PSMD14: variants seen among roughly 807,000 people sequenced by gnomAD.
PSMD14 encodes the protein ubiquitin C-terminal hydrolase PSMD14.
Under a neutral mutation model 41.2 loss-of-function variants are expected in PSMD14, and 7 were observed. The ratio of observed to expected loss-of-function variants is 0.17; its 90% CI spans 0.10 to 0.32. PSMD14 has a LOEUF of 0.32. PSMD14 is among the 10% of genes least tolerant of loss of function. The pLI is 1.00. For missense variants in PSMD14, 139 were observed against 375.6 expected (o/e 0.37, Z 5.21); for synonymous variants, 114 against 122.3 (o/e 0.93, Z 0.45).
intron 7 of PSMD14, chr2:161,382,021 T>C (rs1683576571): frequency 6.6e-6 from 1 of 151,808 alleles, no homozygotes; most frequent in African/African-American, 2.4e-5. Context: ...TATATAAATA[T>C]GTGTCTTCTA....
chr2:161,393,971 A>ATTTTTTTTT (rs11452254), intron 9 of PSMD14, among the ~76,000 whole-genome samples: 2 of 100,892 alleles, frequency 2.0e-5, no homozygotes, highest in African/African-American at 3.9e-5. Context: ...ACACTAGATA[A>ATTTTTTTTT]TTTTTTTTTT....
intron 8 of PSMD14, 110 bp downstream of exon 8, chr2:161,385,681 A>T: frequency 3.4e-6 from 2 of 580,362 alleles, no homozygotes; most frequent in South Asian, 3.3e-5. Context: ...TTGCAAATTA[A>T]TTTTTCTTTT....
chr2:161,361,221 C>T (rs1036497434), intron 3 of PSMD14, among the ~76,000 whole-genome samples: 1 of 151,908 alleles, frequency 6.6e-6, no homozygotes, highest in Non-Finnish European at 1.5e-5. Context: ...TTAAATGCTT[C>T]CAGTACTAAG....
At chr2:161,332,630 A>C (rs1682810843) in intron 3 of PSMD14, among the ~76,000 whole-genome samples, 1 of 152,210 alleles carries the variant, frequency 6.6e-6, no homozygotes, top group Non-Finnish European at 1.5e-5. Context: ...TTTAATGATG[A>C]GGTTTCAAGT....
rs2105266486 is a variant in PSMD14 at position 161,391,099 on chromosome 2, T to C, written c.571-5T>C. ...TGTCCTTTTTAAAATCATTTATCTATATAGGCATTAATTCATGGACTAAAC... is the reference window on the plus strand; with the variant it reads ...TGTCCTTTTTAAAATCATTTATCTACATAGGCATTAATTCATGGACTAAAC... On this transcript the variant is annotated splice_region_variant and splice_polypyrimidine_tract_variant and intron_variant, in intron 8 of 11. Transcript: ENST00000409682. 1 of 1,500,472 alleles carries C rather than the reference T, an allele frequency of 6.7e-7. No homozygotes were observed. The highest frequency in any genetic ancestry group is 2.5e-5 in the East Asian group (1 of 40,642). 92.9% of individuals were successfully genotyped at this position (1,500,472 alleles called of 1,614,324 possible).
intron 9 of PSMD14, among the ~76,000 whole-genome samples, chr2:161,391,640 A>G (rs575435683): frequency 1.3e-5 from 2 of 152,264 alleles, no homozygotes; most frequent in East Asian, 3.9e-4. Flanking sequence ...CTCCCAGACT[A>G]GAGTGCAATG....
chr2:161,377,894 T>C (rs543713379), intron 7 of PSMD14, among the ~76,000 whole-genome samples: 4 of 152,042 alleles, frequency 2.6e-5, no homozygotes, highest in East Asian at 1.9e-4. Flanking sequence ...CAAGAGTACA[T>C]TGGAATTATA....
intron 7 of PSMD14, chr2:161,384,110 G>A (rs1463491785): frequency 6.6e-6 from 1 of 151,610 alleles, no homozygotes; most frequent in Non-Finnish European, 1.5e-5. Flanking sequence ...ATTAATTCAT[G>A]TTCTGGGGAT....
At chr2:161,331,171 T>C (rs1682783313) in intron 3 of PSMD14, among the ~76,000 whole-genome samples, 1 of 152,214 alleles carries the variant, frequency 6.6e-6, no homozygotes. Flanking sequence ...GTTTCACGGT[T>C]TCTGGTTATT....
At chr2:161,352,995 G>A (rs1683141379) in intron 3 of PSMD14, among the ~76,000 whole-genome samples, 1 of 151,818 alleles carries the variant, frequency 6.6e-6, no homozygotes, top group South Asian at 2.1e-4. Context: ...CTCATCCAGT[G>A]GTGTCCATTG....
intron 7 of PSMD14, 131 bp downstream of exon 7, chr2:161,371,453 CA>C (rs919924926): frequency 5.9e-6 from 5 of 854,584 alleles, no homozygotes; most frequent in South Asian, 2.8e-5. Flanking sequence ...ACTTAAAAAA[CA>C]AAAAAACTGT....
At chr2:161,331,548 G>A (rs1237285031) in intron 3 of PSMD14, among the ~76,000 whole-genome samples, 3 of 152,066 alleles carry the variant, frequency 2.0e-5, no homozygotes, top group South Asian at 2.1e-4. Flanking sequence ...GTGAGCCACC[G>A]CGCCTGGCCT....
intron 3 of PSMD14, among the ~76,000 whole-genome samples, chr2:161,325,535 A>C (rs115444205): frequency 4.6e-4 from 70 of 152,338 alleles, no homozygotes; most frequent in African/African-American, 1.6e-3. Flanking sequence ...GAATAAATGA[A>C]AAAATAATAC....
chr2:161,411,325 A>G lies in PSMD14; in HGVS notation c.858A>G (p.Glu286=), dbSNP rs1224620534. 6.2e-7 allele frequency: 1 copy of G among 1,608,564 alleles called. No homozygotes were observed. The highest frequency in any genetic ancestry group is 8.5e-7 in the Non-Finnish European group (1 of 1,177,164). The change falls in exon 12 of 12, where the codon GAA becomes GAG. Residue 286 remains glutamate, a synonymous_variant. Transcript: ENST00000409682. ...GKQDPKRHLE[E]HVDVLMTSNI... Reference sequence around the variant, plus strand: ...AGGACCCCAAACGTCATTTGGAGGAACATGTGGATGTACTTATGACCTCAA... The same window carrying G: ...AGGACCCCAAACGTCATTTGGAGGAGCATGTGGATGTACTTATGACCTCAA...
intron 1 of PSMD14, among the ~76,000 whole-genome samples, chr2:161,308,954 A>G (rs1047978745): frequency 2.0e-5 from 3 of 152,210 alleles, no homozygotes; most frequent in Non-Finnish European, 2.9e-5. Flanking sequence ...AGACCGGGAA[A>G]ACAAGGGAGA....
intron 10 of PSMD14, 25 bp from the exon 11 acceptor site, chr2:161,408,812 T>A (rs1683988064): frequency 1.3e-6 from 2 of 1,561,042 alleles, no homozygotes; most frequent in East Asian, 4.5e-5. Context: ...AATTTTAAAC[T>A]CTGTCCTTTG....
intron 9 of PSMD14, 143 bp from the exon 10 acceptor site, chr2:161,394,935 A>G: frequency 1.4e-6 from 1 of 713,144 alleles, no homozygotes; most frequent in East Asian, 2.9e-5. Context: ...ATATAGGAGC[A>G]TTCTAATTGG....
At chr2:161,392,148 GT>G (rs1192151914) in intron 9 of PSMD14, among the ~76,000 whole-genome samples, 1 of 152,108 alleles carries the variant, frequency 6.6e-6, no homozygotes, top group African/African-American at 2.4e-5. Context: ...TCTGCCTGTT[GT>G]TTTTTGATAT....
At chr2:161,322,314 C>T (rs1682619430) in intron 3 of PSMD14, among the ~76,000 whole-genome samples, 1 of 152,132 alleles carries the variant, frequency 6.6e-6, no homozygotes, top group African/African-American at 2.4e-5. Flanking sequence ...ACCTTGAGTC[C>T]CAGTGCCTTT....
Sources: gnomAD v4.1 joint callset for allele counts (sites outside exome capture counted in the v4.1 genomes callset) on GRCh38, gnomAD v4.1.1 for gene constraint, MANE v1.5 for transcripts, NCBI Gene and HGNC (gene_info 2026-07-23, HGNC 2026-07-21) for gene names.